Variants in SLC39A11 observed in about 807,000 individuals in gnomAD.
The protein encoded by SLC39A11 is solute carrier family 39 member 11.
Under a neutral mutation model 36.1 loss-of-function variants are expected in SLC39A11, and 33 were observed. That is an observed-to-expected ratio of 0.91 (90% CI 0.69 to 1.22). The LOEUF is 1.22. Ranked by LOEUF, SLC39A11 falls within the 50% of genes most tolerant of loss-of-function variation. The pLI, the probability that SLC39A11 is intolerant of heterozygous loss-of-function variation, is 0.00. For synonymous variants in SLC39A11, 166 were observed against 170.3 expected, an observed-to-expected ratio of 0.97 and a Z score of 0.20; for missense variants, 432 against 430.3, an observed-to-expected ratio of 1.00 and a Z score of -0.03.
intron 5 of SLC39A11, among the ~76,000 whole-genome samples, chr17:72,924,018 G>A (rs1041798602): frequency 5.9e-5 from 9 of 151,712 alleles, no homozygotes; most frequent in African/African-American, 1.7e-4. Flanking sequence ...ACAGTGGCGT[G>A]TGCCTGTAAT....
chr17:72,950,410 G>A (rs1313930377), intron 4 of SLC39A11, among the ~76,000 whole-genome samples: 8 of 152,134 alleles, frequency 5.3e-5, no homozygotes, highest in Non-Finnish European at 8.8e-5. Flanking sequence ...TGGGAAGGCC[G>A]GTCTCTCCCT....
At chr17:73,016,564 C>A (rs2058175051) in intron 4 of SLC39A11, among the ~76,000 whole-genome samples, 1 of 152,050 alleles carries the variant, frequency 6.6e-6, no homozygotes. Context: ...GAACTCCTGA[C>A]CTCAGGTGAT....
intron 7 of SLC39A11, among the ~76,000 whole-genome samples, chr17:72,710,197 T>C (rs536264721): frequency 6.6e-6 from 1 of 152,368 alleles, no homozygotes; most frequent in Admixed American, 6.5e-5. Context: ...CTCCTGCCAG[T>C]GACTTTCTAC....
rs527642079 is a variant in SLC39A11, at chr17:72,895,105, T to C, written c.431-45301A>G. On this transcript the variant is annotated intron_variant, in intron 5 of 9. Coordinates refer to ENST00000255559, the MANE Select transcript of SLC39A11 (RefSeq NM_139177.4). ...TATTGCTAGTTGCATTGGTGGGTGC[T>C]AGTCGCATTGGTGGGTGCTAGTCGC... Among the ~76,000 whole-genome samples the C allele has an allele frequency of 2.0e-5, 3 of 151,696 alleles. No homozygotes were observed. The East Asian group carries it at 5.8e-4, about 29-fold the overall frequency.
At position 72,777,869 on chromosome 17, in the gene SLC39A11, A is replaced by ATATGTATGTATGTATATATGTATG. The variant is rs2076186905; in HGVS notation, c.602-41151_602-41150insCATACATATATACATACATACATA. Among the ~76,000 whole-genome samples the ATATGTATGTATGTATATATGTATG allele has an allele frequency of 2.0e-5, 3 of 150,070 alleles. No homozygotes were observed. The South Asian group carries it at 6.4e-4, about 32-fold the overall frequency. On this transcript the variant is annotated intron_variant, in intron 6 of 9. Coordinates refer to ENST00000255559, the MANE Select transcript of SLC39A11 (RefSeq NM_139177.4). Reference sequence around the variant, plus strand: ...TGTGTGTATGTATGTATGTATGTATATATGTATGTATGTATGTATGTATGT... The same window carrying ATATGTATGTATGTATATATGTATG: ...TGTGTGTATGTATGTATGTATGTATATATGTATGTATGTATATATGTATGTATGTATGTATGTATGTATGTATGT...
intron 6 of SLC39A11, among the ~76,000 whole-genome samples, chr17:72,768,668 G>A (rs1479818593): frequency 2.0e-5 from 3 of 152,202 alleles, no homozygotes; most frequent in Non-Finnish European, 4.4e-5. Context: ...CACAGTCCTT[G>A]CTGTGGTCGA....
At chr17:72,706,527 C>T (rs184200390) in intron 7 of SLC39A11, among the ~76,000 whole-genome samples, 104 of 152,286 alleles carry the variant, frequency 6.8e-4, no homozygotes, top group Non-Finnish European at 2.9e-5. Flanking sequence ...AAACACATTG[C>T]AAGCTTAAAG....
At chr17:73,020,843 C>A (rs188446177) in intron 4 of SLC39A11, among the ~76,000 whole-genome samples, 2 of 151,844 alleles carry the variant, frequency 1.3e-5, no homozygotes, top group Non-Finnish European at 2.9e-5. Flanking sequence ...CCACCACACC[C>A]GGCTAATTTT....
At chr17:73,017,621 G>C (rs1259770221) in intron 4 of SLC39A11, among the ~76,000 whole-genome samples, 3 of 152,176 alleles carry the variant, frequency 2.0e-5, no homozygotes, top group African/African-American at 7.2e-5. Context: ...GCTGAGGAAG[G>C]AGAATCACTT....
intron 3 of SLC39A11, among the ~76,000 whole-genome samples, chr17:73,034,660 C>A (rs141642737): frequency 6.6e-6 from 1 of 152,140 alleles, no homozygotes; most frequent in South Asian, 2.1e-4. Flanking sequence ...CCCTGCACTC[C>A]GATGAAAAAA....
intron 6 of SLC39A11, among the ~76,000 whole-genome samples, chr17:72,762,917 GACCCAC>G (rs2075638845): frequency 6.6e-6 from 1 of 152,110 alleles, no homozygotes; most frequent in Non-Finnish European, 1.5e-5. Context: ...CTTCTTTTGA[GACCCAC>G]GTAGACCATT....
At chr17:72,690,445 C>T (rs566852530) in intron 7 of SLC39A11, among the ~76,000 whole-genome samples, 4 of 152,264 alleles carry the variant, frequency 2.6e-5, no homozygotes, top group African/African-American at 7.2e-5. Flanking sequence ...ATTAGCTTCT[C>T]GGGTACTTTT....
chr17:72,690,788 C>T (rs1315878939), intron 7 of SLC39A11, among the ~76,000 whole-genome samples: 1 of 152,082 alleles, frequency 6.6e-6, no homozygotes, highest in East Asian at 1.9e-4. Flanking sequence ...CTCCACTCCA[C>T]CCTCTCTCAT....
At chr17:73,012,529 G>GA (rs2090578459) in intron 4 of SLC39A11, among the ~76,000 whole-genome samples, 1 of 148,056 alleles carries the variant, frequency 6.8e-6, no homozygotes, top group Non-Finnish European at 1.5e-5. Context: ...GTATTTCCCA[G>GA]TTTTTTTTTT....
At chr17:73,063,842 T>C (rs1314873038) in intron 3 of SLC39A11, among the ~76,000 whole-genome samples, 8 of 152,176 alleles carry the variant, frequency 5.3e-5, no homozygotes. Flanking sequence ...TTACAAAGTG[T>C]TCAGCAAATT....
intron 5 of SLC39A11, among the ~76,000 whole-genome samples, chr17:72,905,195 A>AAAAAAAAAAAC (rs2082593421): frequency 6.8e-6 from 1 of 147,954 alleles, no homozygotes; most frequent in African/African-American, 2.5e-5. Flanking sequence ...AAAAAAAAAA[A>AAAAAAAAAAAC]AAAGATAGCA....
chr17:72,662,847 G>T (rs2070536331), intron 7 of SLC39A11, among the ~76,000 whole-genome samples: 1 of 152,036 alleles, frequency 6.6e-6, no homozygotes, highest in South Asian at 2.1e-4. Context: ...AGAAAGACAG[G>T]CACACACATC....
intron 6 of SLC39A11, among the ~76,000 whole-genome samples, chr17:72,816,483 G>C (rs78468002): frequency 0.017 from 2,513 of 151,676 alleles, 77 homozygotes; most frequent in African/African-American, 0.057. Context: ...ACAACTGCTT[G>C]ACGAACATTT....
At chr17:72,752,377 TG>T (rs909634751) in intron 6 of SLC39A11, among the ~76,000 whole-genome samples, 2 of 152,152 alleles carry the variant, frequency 1.3e-5, no homozygotes, top group African/African-American at 4.8e-5. Flanking sequence ...CCCAGGTAGC[TG>T]GGATTACAGG....
Sources: gnomAD v4.1 joint callset for allele counts (sites outside exome capture counted in the v4.1 genomes callset) on GRCh38, gnomAD v4.1.1 for gene constraint, MANE v1.5 for transcripts, NCBI Gene and HGNC (gene_info 2026-07-23, HGNC 2026-07-21) for gene names.